The following CREB3L2 variants were observed in gnomAD, a reference collection of about 807,000 sequenced individuals.
CREB3L2 encodes the protein cAMP responsive element binding protein 3 like 2, also known as cyclic AMP-responsive element-binding protein 3-like protein 2.
In CREB3L2, 23 loss-of-function variants were observed where a neutral mutation model predicts 57.2. That is an observed-to-expected ratio of 0.40 (90% confidence interval 0.29 to 0.57). CREB3L2 has a LOEUF of 0.57. Ranked by LOEUF, CREB3L2 falls within the 20% of genes least tolerant of loss-of-function variation. The pLI, the probability that CREB3L2 is intolerant of heterozygous loss-of-function variation, is 0.42. For missense variants in CREB3L2, 628 were observed against 634.7 expected, an observed-to-expected ratio of 0.99 and a Z score of 0.11; for synonymous variants, 268 against 265.1, an observed-to-expected ratio of 1.01 and a Z score of -0.11.
At chr7:137,981,276 A>G (rs775240594) in intron 1 of CREB3L2, among the ~76,000 whole-genome samples, 7 of 152,212 alleles carry the variant, frequency 4.6e-5, no homozygotes, top group Non-Finnish European at 1.0e-4. Context: ...AGCATGGCAA[A>G]GGCCTCCAGC....
chr7:137,904,847 A>AG (rs1321884062), intron 6 of CREB3L2, among the ~76,000 whole-genome samples: 188 of 145,316 alleles, frequency 1.3e-3, no homozygotes, highest in African/African-American at 5.2e-3. Context: ...TGAAAAAAAA[A>AG]AAAAAGAAAG....
chr7:137,971,246 G>A (rs1801500538), intron 1 of CREB3L2, among the ~76,000 whole-genome samples: 1 of 152,060 alleles, frequency 6.6e-6, no homozygotes, highest in African/African-American at 2.4e-5. Flanking sequence ...TTCAGGAGAT[G>A]GAGACCATCC....
chr7:138,001,977 A>C lies in CREB3L2; in HGVS notation c.-272T>G. ...GGCTAAAGCGGGATGTGCATCCAAA[A>C]TGAAGGCAGAAGACCCGCTCTCATC... On this transcript the variant is annotated 5_prime_UTR_variant, in exon 1 of 12. Transcript: ENST00000330387. The surrounding 1 kb of genome is among the most constrained non-coding windows in gnomAD (Gnocchi z 4.2). 7.3e-6 allele frequency: 3 copies of C among 409,122 alleles called. No homozygotes were observed. The highest frequency in any genetic ancestry group is 4.0e-5 in the East Asian group (1 of 25,316). 25.3% of individuals were successfully genotyped at this position (409,122 alleles called of 1,614,324 possible).
intron 8 of CREB3L2, among the ~76,000 whole-genome samples, chr7:137,886,580 C>G (rs1442633763): frequency 8.8e-6 from 1 of 114,054 alleles, no homozygotes; most frequent in African/African-American, 5.9e-5. Flanking sequence ...ACAGCACCTC[C>G]AGAGTCAGGA....
At chr7:137,905,274 T>TTA (rs1462421565) in intron 6 of CREB3L2, among the ~76,000 whole-genome samples, 4 of 149,420 alleles carry the variant, frequency 2.7e-5, no homozygotes, top group South Asian at 2.1e-4. Context: ...TATTTGTATC[T>TTA]TATATATATA....
chr7:137,952,920 C>G lies in CREB3L2; in HGVS notation c.103-24554G>C, dbSNP rs550186034. Among the ~76,000 whole-genome samples, 16 of 152,234 alleles carry G rather than the reference C, an allele frequency of 1.1e-4. No homozygotes were observed. In the South Asian group the frequency reaches 3.3e-3, roughly 32 times the overall value. On this transcript the variant is annotated intron_variant, in intron 1 of 11. Coordinates refer to ENST00000330387, the MANE Select transcript of CREB3L2 (RefSeq NM_194071.4). ...ACAACCTCCGCCTCCCGGGTTCCAGCGATTCTCCTGCCTCAGCCTCTAACG... is the reference window on the plus strand; with the variant it reads ...ACAACCTCCGCCTCCCGGGTTCCAGGGATTCTCCTGCCTCAGCCTCTAACG...
chr7:138,001,125 A>G lies in CREB3L2; in HGVS notation c.102+479T>C, dbSNP rs1281514043. On this transcript the variant is annotated intron_variant, in intron 1 of 11. Coordinates refer to ENST00000330387, the MANE Select transcript of CREB3L2 (RefSeq NM_194071.4). The surrounding 1 kb of genome is among the most constrained non-coding windows in gnomAD (Gnocchi z 4.2). ...CACACACACACACACACACACACAC[A>G]CGTGTACTTTTTAAAATATAAATAT... 6.8e-6 allele frequency among the ~76,000 whole-genome samples: 1 copy of G among 147,990 alleles called. No homozygotes were observed. Among genetic ancestry groups the G allele is most frequent in the East Asian group, 2.0e-4 (1 of 4,994 alleles).
intron 1 of CREB3L2, among the ~76,000 whole-genome samples, chr7:137,972,260 G>A (rs1801520041): frequency 6.6e-6 from 1 of 151,960 alleles, no homozygotes; most frequent in Admixed American, 6.6e-5. Flanking sequence ...CCAACATGGT[G>A]AAACCCCGTC....
At chr7:137,924,470 T>C (rs1053347897) in intron 2 of CREB3L2, among the ~76,000 whole-genome samples, 1 of 152,166 alleles carries the variant, frequency 6.6e-6, no homozygotes, top group African/African-American at 2.4e-5. Flanking sequence ...CAAAGGAACA[T>C]GACTGAAATA....
At chr7:137,990,591 A>G (rs1468234437) in intron 1 of CREB3L2, among the ~76,000 whole-genome samples, 1 of 152,220 alleles carries the variant, frequency 6.6e-6, no homozygotes, top group East Asian at 1.9e-4. Flanking sequence ...AGGTTTCCCC[A>G]GGATGCAAAC....
At chr7:137,881,510 C>G (rs1457496578) in intron 11 of CREB3L2, among the ~76,000 whole-genome samples, 1 of 152,164 alleles carries the variant, frequency 6.6e-6, no homozygotes, top group East Asian at 1.9e-4. Context: ...CTGTAAAGTG[C>G]TTAAAATAGT....
intron 1 of CREB3L2, among the ~76,000 whole-genome samples, chr7:137,998,735 A>G (rs1184625504): frequency 6.6e-6 from 1 of 152,270 alleles, no homozygotes; most frequent in Non-Finnish European, 1.5e-5. Context: ...AATGTCTTTC[A>G]GCAGGACCAG....
chr7:137,880,615 T>G lies in CREB3L2; in HGVS notation c.1488-64A>C. The stretch of plus-strand genomic sequence containing the variant: ...CAGCTGTTAGCTACAATTCTCATGC[T>G]TTGTAGCGTGATGCAATCATTCAGG... On this transcript the variant is annotated intron_variant, in intron 11 of 11. Transcript: ENST00000330387. The surrounding 1 kb of genome is among the most constrained non-coding windows in gnomAD (Gnocchi z 4.0). 1 of 1,306,924 alleles carries G rather than the reference T, an allele frequency of 7.7e-7. No individual in the cohort carries two copies. Among genetic ancestry groups the G allele is most frequent in the South Asian group, 1.2e-5 (1 of 83,194 alleles). The allele number at this position is 1,306,924 out of a possible 1,614,324, so 81.0% of individuals were successfully genotyped here. A position where few individuals can be genotyped will look rare whatever the true frequency, so the allele number is the denominator to read the frequency against.
Position 137,915,867 on chromosome 7 carries a change from C to T in CREB3L2, c.465G>A (p.Lys155=), listed in dbSNP as rs763552736. The part of the protein sequence containing the change: ...TITAISTPLE[K]EEPPLEMNTG... Reference sequence around the variant, plus strand: ...TGTTCATTTCCAGAGGAGGTTCCTCCTTTTCCAACGGGGTGGAGATGGCTG... The same window carrying T: ...TGTTCATTTCCAGAGGAGGTTCCTCTTTTTCCAACGGGGTGGAGATGGCTG... Residue 155 remains lysine (K), a synonymous_variant, in exon 3 of 12, where the codon AAG becomes AAA. Coordinates refer to ENST00000330387, the MANE Select transcript of CREB3L2 (RefSeq NM_194071.4). The T allele has an allele frequency of 2.4e-5, 39 of 1,613,904 alleles. No homozygotes were observed. The Admixed American group carries it at 6.5e-4, about 27-fold the overall frequency.
intron 1 of CREB3L2, among the ~76,000 whole-genome samples, chr7:137,929,933 T>C (rs1337411891): frequency 1.3e-5 from 2 of 151,296 alleles, no homozygotes; most frequent in Non-Finnish European, 2.9e-5. Flanking sequence ...AGTCTTGCTC[T>C]GTCGCCCAGG....
rs918844268 is a variant in CREB3L2 at position 137,876,587 on chromosome 7, C to G, written c.*3889G>C. On this transcript the variant is annotated 3_prime_UTR_variant, in exon 12 of 12. Coordinates refer to ENST00000330387, the MANE Select transcript of CREB3L2 (RefSeq NM_194071.4). ...TGGATCCTTCACAGCCCTCACGTCA[C>G]CACCACCTACTCTCTCCTGTAACTG... The G allele has an allele frequency of 2.1e-5, 5 of 233,034 alleles. No individual in the cohort carries two copies. The highest frequency in any genetic ancestry group is 3.4e-5 in the Non-Finnish European group (4 of 118,030). 14.4% of individuals were successfully genotyped at this position (233,034 alleles called of 1,614,324 possible).
At chr7:137,919,566 C>T (rs191137364) in intron 2 of CREB3L2, among the ~76,000 whole-genome samples, 186 of 152,300 alleles carry the variant, frequency 1.2e-3, no homozygotes, top group African/African-American at 4.3e-3. Flanking sequence ...CAGTAATCTT[C>T]CCATTAACAA....
chr7:137,985,189 C>T (rs369295175), intron 1 of CREB3L2, among the ~76,000 whole-genome samples: 1 of 152,208 alleles, frequency 6.6e-6, no homozygotes, highest in Non-Finnish European at 1.5e-5. Context: ...ACGCCAGAAT[C>T]TCCATATAAC....
intron 1 of CREB3L2, among the ~76,000 whole-genome samples, chr7:137,969,795 A>ACACAC (rs1421724791): frequency 2.1e-5 from 1 of 46,600 alleles, no homozygotes; most frequent in African/African-American, 7.4e-5. Context: ...CACACACACA[A>ACACAC]CATACACATA....
Sources: gnomAD v4.1 joint callset for allele counts (sites outside exome capture counted in the v4.1 genomes callset) on GRCh38, gnomAD v4.1.1 for gene constraint, Gnocchi (gnomAD v3.1) non-coding constraint, MANE v1.5 for transcripts, NCBI Gene and HGNC (gene_info 2026-07-23, HGNC 2026-07-21) for gene names.